Variants in PPP1R12B observed in about 807,000 individuals in gnomAD.
PPP1R12B encodes the protein protein phosphatase 1 regulatory subunit 12B, also known as myosin phosphatase target subunit 2.
Under a neutral mutation model 126.1 loss-of-function variants are expected in PPP1R12B, and 76 were observed. The observed-to-expected ratio is 0.60, with a 90% CI of 0.50 to 0.73. The LOEUF is 0.73. PPP1R12B is among the 30% of genes least tolerant of loss of function. The pLI, the probability that PPP1R12B is intolerant of heterozygous loss-of-function variation, is 0.00. For synonymous variants in PPP1R12B, 356 were observed against 434.7 expected, an observed-to-expected ratio of 0.82 and a Z score of 2.25; for missense variants, 1,052 against 1,205.1, an observed-to-expected ratio of 0.87 and a Z score of 1.88.
intron 1 of PPP1R12B, among the ~76,000 whole-genome samples, chr1:202,360,120 T>C (rs1214983803): frequency 6.6e-6 from 1 of 152,236 alleles, no homozygotes; most frequent in East Asian, 1.9e-4. Flanking sequence ...GGTGTTCTTT[T>C]GTCCCACGTG....
At chr1:202,572,580 C>A (rs952644174) in intron 23 of PPP1R12B, among the ~76,000 whole-genome samples, 1 of 152,188 alleles carries the variant, frequency 6.6e-6, no homozygotes, top group Middle Eastern at 3.2e-3. Context: ...TATATGCCAA[C>A]TTCTGACAGG....
chr1:202,588,853 A>AGATAGATAGATAGATAGAT lies in PPP1R12B; in HGVS notation c.*8294_*8312dup, dbSNP rs1689992002. The AGATAGATAGATAGATAGAT allele has an allele frequency of 2.1e-5, 3 of 142,804 alleles. No homozygotes were observed. Among genetic ancestry groups the AGATAGATAGATAGATAGAT allele is most frequent in the East Asian group, 1.9e-4 (1 of 5,132 alleles). 8.8% of individuals were successfully genotyped at this position (142,804 alleles called of 1,614,324 possible). A position where few individuals can be genotyped will look rare whatever the true frequency, so the allele number is the denominator to read the frequency against. On this transcript the variant is annotated 3_prime_UTR_variant, in exon 24 of 24. Coordinates refer to ENST00000608999, the MANE Select transcript of PPP1R12B (RefSeq NM_002481.4). ...TAGATAGATAGATAGATAGATAGAT[A>AGATAGATAGATAGATAGAT]GATAGATAGATAGATAGATATCAAG...
chr1:202,446,247 TATATA>T (rs1184349995), intron 12 of PPP1R12B, among the ~76,000 whole-genome samples: 2 of 66,130 alleles, frequency 3.0e-5, no homozygotes, highest in African/African-American at 1.5e-4. Context: ...TATATATATA[TATATA>T]TATATTTTTT....
chr1:202,536,578 G>A (rs1684550905), intron 18 of PPP1R12B, among the ~76,000 whole-genome samples: 2 of 152,142 alleles, frequency 1.3e-5, no homozygotes, highest in Non-Finnish European at 2.9e-5. Context: ...TGTGCACTTA[G>A]GCTACACTAA....
In PPP1R12B at chr1:202,431,575, A is replaced by C; in HGVS notation, c.1097A>C (p.Glu366Ala). ...AGTAGCTCCAGCTCAGAGGAGGAGG[A>C]AGGTGAAGATGAAGCTTCTGAGTCA... ...ESSSSSSEEE[E>A]GEDEASESET... The change falls in exon 8 of 24, where the codon GAA becomes GCA. Residue 366 changes from glutamate (E) to alanine (A), a missense_variant. Coordinates refer to ENST00000608999, the MANE Select transcript of PPP1R12B (RefSeq NM_002481.4). 6.2e-7 allele frequency: 1 copy of C among 1,612,584 alleles called. No homozygotes were observed. Among genetic ancestry groups the C allele is most frequent in the Non-Finnish European group, 8.5e-7 (1 of 1,179,562 alleles).
intron 12 of PPP1R12B, among the ~76,000 whole-genome samples, chr1:202,444,126 A>G (rs1671955474): frequency 6.6e-6 from 1 of 152,182 alleles, no homozygotes; most frequent in African/African-American, 2.4e-5. Context: ...TGTAAGGAGA[A>G]ATTTGTCATT....
rs114931075 is a variant in PPP1R12B, at chr1:202,430,295, C to T, written c.922-436C>T. 5.4e-3 allele frequency among the ~76,000 whole-genome samples: 817 copies of T among 152,264 alleles called. 1 individual carries two copies. Among genetic ancestry groups the T allele is most frequent in the Non-Finnish European group, 8.8e-3 (599 of 68,018 alleles). On this transcript the variant is annotated intron_variant, in intron 6 of 23. Coordinates refer to ENST00000608999, the MANE Select transcript of PPP1R12B (RefSeq NM_002481.4). ...ACTTTGAGTTCCAGGAATATGAATACATTTTGTCTAGAGCATGCATCTAAA... is the reference window on the plus strand; with the variant it reads ...ACTTTGAGTTCCAGGAATATGAATATATTTTGTCTAGAGCATGCATCTAAA...
chr1:202,485,096 A>G lies in PPP1R12B; in HGVS notation c.1851-3437A>G, dbSNP rs1572230035. ...GGTTCAGCTGGCCAGCTAGCTGTGC[A>G]GTGCAGGTATGTACCGGTGAGGGGA... is the stretch of plus-strand genomic sequence containing the variant. On this transcript the variant is annotated intron_variant, in intron 13 of 23. Transcript: ENST00000608999. Among the ~76,000 whole-genome samples the G allele has an allele frequency of 2.6e-5, 4 of 152,342 alleles. No individual in the cohort carries two copies. The South Asian group carries it at 8.3e-4, about 32-fold the overall frequency.
chr1:202,366,098 C>T (rs1483462427), intron 1 of PPP1R12B, among the ~76,000 whole-genome samples: 2 of 152,164 alleles, frequency 1.3e-5, no homozygotes, highest in African/African-American at 2.4e-5. Flanking sequence ...CAGAATTCTG[C>T]ACCTACTCAG....
intron 13 of PPP1R12B, among the ~76,000 whole-genome samples, chr1:202,453,693 C>A (rs1673281871): frequency 7.0e-6 from 1 of 142,028 alleles, no homozygotes; most frequent in East Asian, 2.2e-4. Flanking sequence ...TCTAATATGT[C>A]TATTATAAAG....
Position 202,460,611 on chromosome 1 carries a change from C to T in PPP1R12B, c.1850+11440C>T, listed in dbSNP as rs184667124. Among the ~76,000 whole-genome samples, 209 of 152,172 alleles carry T rather than the reference C, an allele frequency of 1.4e-3. 1 individual carries two copies. Among genetic ancestry groups the T allele is most frequent in the African/African-American group, 4.5e-3 (186 of 41,418 alleles). The stretch of plus-strand genomic sequence containing the variant: ...AAGTGATTAGTTATCTAAAAGTCTG[C>T]GGCCATGCTGCCATTACCAAGTTTT... On this transcript the variant is annotated intron_variant, in intron 13 of 23. Transcript: ENST00000608999.
intron 18 of PPP1R12B, among the ~76,000 whole-genome samples, chr1:202,515,534 C>G (rs1682037641): frequency 1.3e-5 from 2 of 152,134 alleles, no homozygotes; most frequent in African/African-American, 2.4e-5. Flanking sequence ...AAGACCTTCC[C>G]TATCCTAGTG....
chr1:202,351,142 A>G (rs560813563), intron 1 of PPP1R12B, among the ~76,000 whole-genome samples: 4 of 151,944 alleles, frequency 2.6e-5, no homozygotes, highest in Middle Eastern at 3.4e-3. Flanking sequence ...ACGGGCCTTT[A>G]TTGGCTTCAG....
At chr1:202,562,727 C>A (rs539018227) in intron 19 of PPP1R12B, 51 bp from the exon 20 acceptor site, 1 of 1,555,740 alleles carries the variant, frequency 6.4e-7, no homozygotes, top group East Asian at 2.2e-5. Context: ...ACCTTCTCCC[C>A]ACTACTTTGT....
intron 14 of PPP1R12B, among the ~76,000 whole-genome samples, chr1:202,490,383 T>C (rs935697505): frequency 2.6e-5 from 4 of 152,208 alleles, no homozygotes; most frequent in African/African-American, 9.6e-5. Context: ...TATTCTTCCT[T>C]TATTTTTACT....
At position 202,567,811 on chromosome 1, in the gene PPP1R12B, G is replaced by A; in HGVS notation, c.2791G>A (p.Val931Met). The A allele has an allele frequency of 1.9e-6, 3 of 1,614,030 alleles. No individual in the cohort carries two copies. The highest frequency in any genetic ancestry group is 2.5e-6 in the Non-Finnish European group (3 of 1,179,952). Residue 931 changes from valine to methionine, a missense_variant, in exon 22 of 24, where the codon GTG (valine) becomes ATG (methionine). Physicochemically the swap from Val to Met is conservative, Grantham distance 21. Transcript: ENST00000608999. ...KQEKTSDRSS[V>M]LEMEKRERRA... The stretch of plus-strand genomic sequence containing the variant: ...AGAAAAGACCTCTGACCGATCATCA[G>A]TGCTGGAGATGGAGAAACGGGTATG...
chr1:202,416,991 A>T, intron 2 of PPP1R12B, 74 bp downstream of exon 2: 1 of 1,452,328 alleles, frequency 6.9e-7, no homozygotes, highest in South Asian at 1.5e-5. Flanking sequence ...ATTCTTAGGA[A>T]TTTGAATTTT....
intron 9 of PPP1R12B, among the ~76,000 whole-genome samples, chr1:202,436,267 A>G (rs1193495192): frequency 2.0e-5 from 3 of 151,068 alleles, no homozygotes; most frequent in Non-Finnish European, 4.4e-5. Flanking sequence ...CCGTGTCTCA[A>G]AAACAACAAC....
chr1:202,351,767 A>G (rs1656057530), intron 1 of PPP1R12B, among the ~76,000 whole-genome samples: 1 of 152,150 alleles, frequency 6.6e-6, no homozygotes, highest in Non-Finnish European at 1.5e-5. Flanking sequence ...CACTTGACCA[A>G]CTGTGGATTA....
Sources: allele counts gnomAD v4.1 joint callset (sites outside exome capture counted in the v4.1 genomes callset), GRCh38; gene constraint gnomAD v4.1.1; transcripts MANE v1.5; gene names NCBI Gene and HGNC (gene_info 2026-07-23, HGNC 2026-07-21).